Variants in SIGLEC15 observed in about 807,000 individuals in gnomAD.
SIGLEC15 encodes sialic acid binding Ig like lectin 15.
A neutral mutation model predicts 26.2 loss-of-function variants in SIGLEC15; 31 were observed. The observed-to-expected ratio is 1.18, with a 90% confidence interval of 0.89 to 1.60. SIGLEC15 has a LOEUF of 1.60. SIGLEC15 is among the 40% of genes most tolerant of loss of function. The pLI, the probability that SIGLEC15 is intolerant of heterozygous loss-of-function variation, is 0.00. For missense variants in SIGLEC15, 501 were observed against 488.4 expected (o/e 1.03, Z -0.24); for synonymous variants, 207 against 221.9 (o/e 0.93, Z 0.60).
At chr18:45,838,032 G>GTGTGA in intron 3 of SIGLEC15, 136 bp downstream of exon 3, 1 of 1,159,566 alleles carries the variant, frequency 8.6e-7, no homozygotes, top group Non-Finnish European at 1.1e-6. Flanking sequence ...TCTACCCCAG[G>GTGTGA]GATCTCACAC....
chr18:45,840,644 AATCAC>A (rs1391940780), intron 5 of SIGLEC15, among the ~76,000 whole-genome samples: 6 of 152,236 alleles, frequency 3.9e-5, no homozygotes, highest in Admixed American at 3.3e-4. Context: ...ACCCCTAGGA[AATCAC>A]TGACTCCTGG....
chr18:45,836,462 C>T (rs1568080328), intron 1 of SIGLEC15, among the ~76,000 whole-genome samples: 2 of 152,150 alleles, frequency 1.3e-5, no homozygotes, highest in South Asian at 2.1e-4. Flanking sequence ...GGCACCACCC[C>T]TGGCCTTATC....
chr18:45,827,780 G>T (rs992684211), intron 1 of SIGLEC15, among the ~76,000 whole-genome samples: 1 of 152,208 alleles, frequency 6.6e-6, no homozygotes, highest in Non-Finnish European at 1.5e-5. Flanking sequence ...AGGCTTTGGG[G>T]ATTTTAGGTT....
At chr18:45,838,592 G>C in intron 3 of SIGLEC15, 126 bp from the exon 4 acceptor site, 1 of 1,285,198 alleles carries the variant, frequency 7.8e-7, no homozygotes, top group Non-Finnish European at 1.0e-6. Flanking sequence ...GTATTGGGAC[G>C]GGGGCAGCCT....
chr18:45,843,126 G>A lies in SIGLEC15; in HGVS notation c.*939G>A, dbSNP rs72916296. On this transcript the variant is annotated 3_prime_UTR_variant, in exon 6 of 6. Transcript: ENST00000389474. The stretch of plus-strand genomic sequence containing the variant: ...AACCACTGTCTCAGGAGCTGAAGCC[G>A]GGAGACCTGAGGGGAGGTCTGGCCG... 18,960 of 152,326 alleles carry A rather than the reference G, an allele frequency of 0.12. 1,590 individuals are homozygous for A. Among genetic ancestry groups the A allele is most frequent in the Non-Finnish European group, 0.19 (12,599 of 68,060 alleles). 9.4% of individuals were successfully genotyped at this position (152,326 alleles called of 1,614,324 possible). A position where few individuals can be genotyped will look rare whatever the true frequency, so the allele number is the denominator to read the frequency against.
At chr18:45,837,436 C>G in intron 2 of SIGLEC15, 77 bp from the exon 3 acceptor site, 1 of 1,402,306 alleles carries the variant, frequency 7.1e-7, no homozygotes, top group Non-Finnish European at 9.2e-7. Context: ...TTTCCTGGGT[C>G]GTGGGGTTTC....
At position 45,838,539 on chromosome 18, in the gene SIGLEC15, G is replaced by A. The variant is rs2048295245; in HGVS notation, c.497-179G>A. On this transcript the variant is annotated intron_variant, in intron 3 of 5. Coordinates refer to ENST00000389474, the MANE Select transcript of SIGLEC15 (RefSeq NM_213602.3). Reference sequence around the variant, plus strand: ...TGATCCTCACTTTACACATGGAGAAGCAGAAGCAGAGATGATAGAATCTTT... The same window carrying A: ...TGATCCTCACTTTACACATGGAGAAACAGAAGCAGAGATGATAGAATCTTT... 3.7e-6 allele frequency: 3 copies of A among 805,546 alleles called. No homozygotes were observed. In the African/African-American group the frequency reaches 5.5e-5, roughly 15 times the overall value. 49.9% of individuals were successfully genotyped at this position (805,546 alleles called of 1,614,324 possible). A position where few individuals can be genotyped will look rare whatever the true frequency, so the allele number is the denominator to read the frequency against.
At chr18:45,836,295 G>A (rs2048275487) in intron 1 of SIGLEC15, among the ~76,000 whole-genome samples, 1 of 152,040 alleles carries the variant, frequency 6.6e-6, no homozygotes, top group Non-Finnish European at 1.5e-5. Context: ...GTGCTTTGAG[G>A]GTCACATGAC....
rs373854747 is a variant in SIGLEC15 at position 45,837,503 on chromosome 18, C to G, written c.113-10C>G. ...GGCCCCGAGCCTGACGCAGCCCGCC[C>G]CGCCCTCAGGCTCGCCAGCGCAGCG... On this transcript the variant is annotated splice_polypyrimidine_tract_variant and intron_variant, in intron 2 of 5. Transcript: ENST00000389474. 3 of 1,480,730 alleles carry G rather than the reference C, an allele frequency of 2.0e-6. No homozygotes were observed. Among genetic ancestry groups the G allele is most frequent in the Non-Finnish European group, 2.7e-6 (3 of 1,126,460 alleles). The allele number at this position is 1,480,730 out of a possible 1,614,324, so 91.7% of individuals were successfully genotyped here. A position where few individuals can be genotyped will look rare whatever the true frequency, so the allele number is the denominator to read the frequency against.
chr18:45,837,526 G>T lies in SIGLEC15; in HGVS notation c.126G>T (p.Gln42His). ...LNTEVHSSPA[Q>H]RWSMQVPPEV... is the part of the protein sequence containing the mutation. The stretch of plus-strand genomic sequence containing the variant: ...CCCCGCCCTCAGGCTCGCCAGCGCA[G>T]CGCTGGTCCATGCAGGTGCCACCCG... Residue 42 changes from glutamine (Q) to histidine (H), a missense_variant, in exon 3 of 6, where the codon CAG (glutamine) becomes CAT (histidine). By Grantham distance (24) the Gln-to-His change is conservative (BLOSUM62 0). Coordinates refer to ENST00000389474, the MANE Select transcript of SIGLEC15 (RefSeq NM_213602.3). The T allele has an allele frequency of 4.6e-6, 7 of 1,516,380 alleles. No individual in the cohort carries two copies. Among genetic ancestry groups the T allele is most frequent in the Non-Finnish European group, 5.3e-6 (6 of 1,139,580 alleles). 93.9% of individuals were successfully genotyped at this position (1,516,380 alleles called of 1,614,324 possible). A position where few individuals can be genotyped will look rare whatever the true frequency, so the allele number is the denominator to read the frequency against.
In SIGLEC15 at chr18:45,838,565, C is replaced by T. The variant is rs1253554835; in HGVS notation, c.497-153C>T. 9 of 976,044 alleles carry T rather than the reference C, an allele frequency of 9.2e-6. No homozygotes were observed. In the Admixed American group the frequency reaches 2.7e-4, roughly 29 times the overall value. The allele number at this position is 976,044 out of a possible 1,614,324, so 60.5% of individuals were successfully genotyped here. A position where few individuals can be genotyped will look rare whatever the true frequency, so the allele number is the denominator to read the frequency against. The stretch of plus-strand genomic sequence containing the variant: ...CAGAAGCAGAGATGATAGAATCTTT[C>T]GCCCAAGGCCACATCTGTATTGGGA... On this transcript the variant is annotated intron_variant, in intron 3 of 5. Transcript: ENST00000389474.
chr18:45,830,752 ATTTTTTTTTT>A (rs34498635), intron 1 of SIGLEC15, among the ~76,000 whole-genome samples: 1 of 118,140 alleles, frequency 8.5e-6, no homozygotes, highest in East Asian at 2.5e-4. Context: ...TGCCAGGCTA[ATTTTTTTTTT>A]TTTTTTTTTG....
chr18:45,829,447 A>G (rs1382169179), intron 1 of SIGLEC15, among the ~76,000 whole-genome samples: 1 of 152,204 alleles, frequency 6.6e-6, no homozygotes, highest in Admixed American at 6.5e-5. Context: ...AAGCCCAGAG[A>G]AAGATTTGCA....
intron 2 of SIGLEC15, 35 bp from the exon 3 acceptor site, chr18:45,837,478 G>A (rs1424938680): frequency 6.9e-7 from 1 of 1,440,292 alleles, no homozygotes; most frequent in Non-Finnish European, 9.0e-7. Flanking sequence ...TCGACCCCAG[G>A]GCCCCGAGCC....
intron 1 of SIGLEC15, among the ~76,000 whole-genome samples, chr18:45,833,918 G>GAAA (rs146994859): frequency 6.6e-6 from 1 of 151,982 alleles, no homozygotes; most frequent in African/African-American, 2.4e-5. Context: ...AGGAAATATG[G>GAAA]AAAAAAACCC....
chr18:45,832,296 G>A (rs1327166678), intron 1 of SIGLEC15, among the ~76,000 whole-genome samples: 13 of 152,022 alleles, frequency 8.6e-5, no homozygotes, highest in African/African-American at 3.1e-4. Context: ...AGTAAGTGAA[G>A]GAGCCTAGGA....
At position 45,837,895 on chromosome 18, in the gene SIGLEC15, A is replaced by C. The variant is rs762535724; in HGVS notation, c.495A>C (p.Thr165=). The C allele has an allele frequency of 2.3e-5, 34 of 1,509,252 alleles. No individual in the cohort carries two copies. Among genetic ancestry groups the C allele is most frequent in the Non-Finnish European group, 8.8e-7 (1 of 1,140,000 alleles). 93.5% of individuals were successfully genotyped at this position (1,509,252 alleles called of 1,614,324 possible). ...ESRHGVRLHV[T]AAPRIVNISV... ...GCCACGGCGTCCGGCTGCACGTGAC[A>C]GGCGAGGCGGCGTGGGAGCGGGTCC... Residue 165 remains threonine, a splice_region_variant and synonymous_variant, in exon 3 of 6, where the codon ACA becomes ACC. Transcript: ENST00000389474.
chr18:45,834,726 A>G (rs536346516), intron 1 of SIGLEC15, among the ~76,000 whole-genome samples: 1 of 152,346 alleles, frequency 6.6e-6, no homozygotes, highest in South Asian at 2.1e-4. Context: ...TGCCTGGCAT[A>G]AAGTGGGGAA....
In SIGLEC15 at chr18:45,836,997, T is replaced by A. The variant is rs778473240; in HGVS notation, c.53-32T>A. On this transcript the variant is annotated intron_variant, in intron 1 of 5. Coordinates refer to ENST00000389474, the MANE Select transcript of SIGLEC15 (RefSeq NM_213602.3). Reference sequence around the variant, plus strand: ...TTCTCTGAGCCTCAGTTTATTCACGTGTAACCCGGGGTTAACTGTGTTTAT... The same window carrying A: ...TTCTCTGAGCCTCAGTTTATTCACGAGTAACCCGGGGTTAACTGTGTTTAT... 5 of 1,108,476 alleles carry A rather than the reference T, an allele frequency of 4.5e-6. No individual in the cohort carries two copies. The African/African-American group carries it at 6.1e-5, about 14-fold the overall frequency. 68.7% of individuals were successfully genotyped at this position (1,108,476 alleles called of 1,614,324 possible).
Sources: allele counts gnomAD v4.1 joint callset (sites outside exome capture counted in the v4.1 genomes callset), GRCh38; gene constraint gnomAD v4.1.1; transcripts MANE v1.5; gene names NCBI Gene and HGNC (gene_info 2026-07-23, HGNC 2026-07-21).